The following DENND4C variants were observed in gnomAD, a reference collection of about 807,000 sequenced individuals.
DENND4C encodes DENN domain-containing protein 4C.
DENND4C carries 108 observed loss-of-function variants against 203.0 expected under a neutral mutation model. The observed-to-expected ratio is 0.53, with a 90% CI of 0.46 to 0.62. The LOEUF is 0.62. DENND4C is among the 20% of genes least tolerant of loss of function. DENND4C has a pLI of 0.00. For missense variants in DENND4C, 2,481 were observed against 2,301.2 expected (o/e 1.08, Z -1.60); for synonymous variants, 871 against 792.4 (o/e 1.10, Z -1.67).
intron 10 of DENND4C, among the ~76,000 whole-genome samples, chr9:19,312,234 G>A (rs908605388): frequency 2.6e-5 from 4 of 152,138 alleles, no homozygotes; most frequent in Non-Finnish European, 5.9e-5. Flanking sequence ...CTCCCGAGTA[G>A]CTGGGATTAC....
chr9:19,344,931 T>C (rs978889511), intron 22 of DENND4C, among the ~76,000 whole-genome samples: 5 of 152,226 alleles, frequency 3.3e-5, no homozygotes, highest in Admixed American at 1.3e-4. Context: ...TGCAGAGTGC[T>C]AACTTATTGT....
intron 20 of DENND4C, among the ~76,000 whole-genome samples, chr9:19,340,014 A>G (rs1236644439): frequency 6.6e-6 from 1 of 152,012 alleles, no homozygotes; most frequent in East Asian, 1.9e-4. Flanking sequence ...ATATTCTCCT[A>G]TTATGTTTCT....
chr9:19,247,487 C>G (rs1825580612), intron 1 of DENND4C, among the ~76,000 whole-genome samples: 2 of 152,178 alleles, frequency 1.3e-5, no homozygotes, highest in South Asian at 4.1e-4. Flanking sequence ...CCTTGAATTC[C>G]TGGTCTCAAG....
At chr9:19,279,114 A>G (rs149981783) in intron 2 of DENND4C, among the ~76,000 whole-genome samples, 1 of 81,828 alleles carries the variant, frequency 1.2e-5, no homozygotes, top group Non-Finnish European at 2.6e-5. Context: ...GCGGATCACA[A>G]GGTCAAGGGA....
Position 19,299,096 on chromosome 9 carries a change from T to A in DENND4C, c.1108-133T>A, listed in dbSNP as rs531202077. The A allele has an allele frequency of 6.5e-6, 4 of 619,570 alleles. No individual in the cohort carries two copies. The African/African-American group carries it at 7.9e-5, about 12-fold the overall frequency. The allele number at this position is 619,570 out of a possible 1,614,324, so 38.4% of individuals were successfully genotyped here. A position where few individuals can be genotyped will look rare whatever the true frequency, so the allele number is the denominator to read the frequency against. ...TTAGTACCTGTTTCCAAAAGTGTGT[T>A]TGCATATTAAATTATTAATGTTTTC... On this transcript the variant is annotated intron_variant, in intron 7 of 32. Coordinates refer to ENST00000434457, the MANE Select transcript of DENND4C (RefSeq NM_001330640.2).
At chr9:19,270,090 C>T (rs779854103) in intron 1 of DENND4C, among the ~76,000 whole-genome samples, 5 of 152,126 alleles carry the variant, frequency 3.3e-5, no homozygotes, top group Admixed American at 6.6e-5. Flanking sequence ...GTCTCTTGTT[C>T]TCTTTCCTTA....
intron 1 of DENND4C, among the ~76,000 whole-genome samples, chr9:19,268,389 C>T (rs1047334688): frequency 3.3e-5 from 5 of 152,094 alleles, no homozygotes; most frequent in African/African-American, 4.8e-5. Context: ...CGTGAGCCAC[C>T]GCACCTGGTT....
chr9:19,299,066 A>G (rs1838025141), intron 7 of DENND4C, among the ~76,000 whole-genome samples, 163 bp from the exon 8 acceptor site: 1 of 152,124 alleles, frequency 6.6e-6, no homozygotes, highest in Non-Finnish European at 1.5e-5. Flanking sequence ...CTATCATTTT[A>G]TATTTTAGTA....
chr9:19,274,171 A>G (rs1452611842), intron 1 of DENND4C, among the ~76,000 whole-genome samples: 1 of 152,070 alleles, frequency 6.6e-6, no homozygotes, highest in Non-Finnish European at 1.5e-5. Flanking sequence ...TACATACTGT[A>G]TGAGTCTACT....
chr9:19,291,015 G>A (rs900173083), intron 5 of DENND4C, 139 bp downstream of exon 5: 1 of 822,332 alleles, frequency 1.2e-6, no homozygotes, highest in Non-Finnish European at 1.8e-6. Flanking sequence ...CATCCCCAAG[G>A]TGAGAAATCA....
rs763799338 is a variant in DENND4C at position 19,370,045 on chromosome 9, A to G, written c.5675+58A>G. Reference sequence around the variant, plus strand: ...TCAGTCATTTCATGTTTTTAAAAAAATATCTTACTTTTAAAAATATCTCTA... The same window carrying G: ...TCAGTCATTTCATGTTTTTAAAAAAGTATCTTACTTTTAAAAATATCTCTA... On this transcript the variant is annotated intron_variant, in intron 31 of 32. Coordinates refer to ENST00000434457, the MANE Select transcript of DENND4C (RefSeq NM_001330640.2). 62 of 1,584,858 alleles carry G rather than the reference A, an allele frequency of 3.9e-5. No homozygotes were observed. In the Middle Eastern group the frequency reaches 5.0e-4, roughly 13 times the overall value.
chr9:19,328,735 A>G (rs1305254376), intron 16 of DENND4C, among the ~76,000 whole-genome samples: 2 of 151,936 alleles, frequency 1.3e-5, no homozygotes, highest in Non-Finnish European at 2.9e-5. Context: ...TTGAATGCTT[A>G]TATTTATGCT....
intron 9 of DENND4C, among the ~76,000 whole-genome samples, chr9:19,301,198 A>G (rs1290085244): frequency 1.3e-5 from 2 of 151,878 alleles, no homozygotes; most frequent in Non-Finnish European, 2.9e-5. Flanking sequence ...AAAAAGACTG[A>G]AGAATGAAGT....
intron 1 of DENND4C, among the ~76,000 whole-genome samples, chr9:19,274,359 G>A (rs1832408651): frequency 6.6e-6 from 1 of 151,750 alleles, no homozygotes; most frequent in Non-Finnish European, 1.5e-5. Flanking sequence ...GCAATGGTGC[G>A]ATCTCGGCTC....
At chr9:19,352,373 TATTAATA>T in intron 25 of DENND4C, 110 bp from the exon 26 acceptor site, 2 of 1,137,944 alleles carry the variant, frequency 1.8e-6, no homozygotes, top group Non-Finnish European at 2.4e-6. Flanking sequence ...AAAGAACTGT[TATTAATA>T]ATTCCAAATT....
intron 5 of DENND4C, among the ~76,000 whole-genome samples, chr9:19,295,725 A>C (rs1009772761): frequency 3.9e-5 from 6 of 151,966 alleles, no homozygotes; most frequent in African/African-American, 1.4e-4. Context: ...GTTGAGTGAG[A>C]TCATTAGAGT....
chr9:19,326,005 A>C (rs1664682841), intron 14 of DENND4C, 31 bp downstream of exon 14: 2 of 1,608,396 alleles, frequency 1.2e-6, no homozygotes, highest in South Asian at 1.1e-5. Context: ...AAGGGTTGAA[A>C]TTTCAGAATT....
At chr9:19,245,556 T>G (rs762961649) in intron 1 of DENND4C, among the ~76,000 whole-genome samples, 1 of 149,940 alleles carries the variant, frequency 6.7e-6, no homozygotes, top group Non-Finnish European at 1.5e-5. Flanking sequence ...ATCTGTAACT[T>G]AAAAAATTGT....
chr9:19,250,976 G>A (rs529162929), intron 1 of DENND4C, among the ~76,000 whole-genome samples: 5 of 152,328 alleles, frequency 3.3e-5, no homozygotes, highest in East Asian at 3.9e-4. Flanking sequence ...CTACTATTCT[G>A]GGGTATGGAG....
Sources: gnomAD v4.1 joint callset for allele counts (sites outside exome capture counted in the v4.1 genomes callset) on GRCh38, gnomAD v4.1.1 for gene constraint, MANE v1.5 for transcripts, NCBI Gene and HGNC (gene_info 2026-07-23, HGNC 2026-07-21) for gene names.